The following CCDC136 variants were observed in gnomAD, a reference collection of about 807,000 sequenced individuals.
CCDC136 encodes the protein coiled-coil domain-containing protein 136.
A neutral mutation model predicts 141.2 loss-of-function variants in CCDC136; 100 were observed. The ratio of observed to expected loss-of-function variants is 0.71; its 90% CI spans 0.60 to 0.84. The LOEUF (loss-of-function observed/expected upper bound fraction) is 0.84. Among genes scored for constraint, CCDC136 ranks in the 40% least tolerant of loss-of-function variants. CCDC136 has a pLI of 0.00. For missense variants in CCDC136, 1,206 were observed against 1,379.4 expected, an observed-to-expected ratio of 0.87 and a Z score of 1.99; for synonymous variants, 474 against 531.9, an observed-to-expected ratio of 0.89 and a Z score of 1.50.
In CCDC136 at chr7:128,801,331, T is replaced by G. The variant is rs764374490; in HGVS notation, c.492T>G (p.His164Gln). The G allele has an allele frequency of 1.2e-6, 2 of 1,613,770 alleles. No homozygotes were observed. The highest frequency in any genetic ancestry group is 8.5e-7 in the Non-Finnish European group (1 of 1,179,842). Residue 164 changes from histidine (H) to glutamine (Q), a missense_variant, in exon 4 of 18, where the codon CAT becomes CAG. His to Gln is a conservative substitution (Grantham distance 24, BLOSUM62 0). Coordinates refer to ENST00000297788, the MANE Select transcript of CCDC136 (RefSeq NM_022742.5). ...CAGCAGAGGATTCCGCAACTGAACA[T>G]GAGAGTGACATAGCATCCCTGCAGG... is the stretch of plus-strand genomic sequence containing the variant. The part of the protein sequence containing the change: ...RQAAEDSATE[H>Q]ESDIASLQED...
intron 8 of CCDC136, 24 bp from the exon 9 acceptor site, chr7:128,806,651 AGCCCAAAGGCACT>A: frequency 1.9e-6 from 3 of 1,581,442 alleles, no homozygotes; most frequent in Non-Finnish European, 2.6e-6. Context: ...TGGGTTAAGG[AGCCCAAAGGCACT>A]GCCCAAAGCC....
rs187697169 is a variant in CCDC136 at position 128,821,665 on chromosome 7, C to T, written c.*6-134C>T. ...GGACTGAGAGATCACTTACCTCCAC[C>T]GGTTACCCAGGAGGTAACAGAGACT... On this transcript the variant is annotated intron_variant, in intron 17 of 17. Coordinates refer to ENST00000297788, the MANE Select transcript of CCDC136 (RefSeq NM_022742.5). This position sits in a 1 kb window ranked among gnomAD's most constrained non-coding sequence, Gnocchi z 5.1. The T allele has an allele frequency of 5.9e-5, 33 of 557,472 alleles. No homozygotes were observed. Among genetic ancestry groups the T allele is most frequent in the African/African-American group, 9.7e-5 (5 of 51,464 alleles). 34.5% of individuals were successfully genotyped at this position (557,472 alleles called of 1,614,324 possible).
Position 128,814,929 on chromosome 7 carries a change from A to C in CCDC136, c.3045+10A>C, listed in dbSNP as rs1479274742. 1 of 1,563,316 alleles carries C rather than the reference A, an allele frequency of 6.4e-7. No homozygotes were observed. Among genetic ancestry groups the C allele is most frequent in the Non-Finnish European group, 8.7e-7 (1 of 1,152,088 alleles). Reference sequence around the variant, plus strand: ...CCTTGAGACCAGAAAGGTGAGTAGTAACCTTGGTAGCCAGATAAGCAGAAA... The same window carrying C: ...CCTTGAGACCAGAAAGGTGAGTAGTCACCTTGGTAGCCAGATAAGCAGAAA... On this transcript the variant is annotated intron_variant, in intron 15 of 17. Transcript: ENST00000297788.
chr7:128,803,933 A>G (rs559983135), intron 4 of CCDC136, among the ~76,000 whole-genome samples: 11 of 151,356 alleles, frequency 7.3e-5, no homozygotes, highest in African/African-American at 2.2e-4. Context: ...TCCTACTTCA[A>G]CCTCCTGAGT....
Position 128,817,966 on chromosome 7 carries a change from G to A in CCDC136, c.*5+102G>A. The A allele has an allele frequency of 1.1e-6, 1 of 875,008 alleles. No individual in the cohort carries two copies. Among genetic ancestry groups the A allele is most frequent in the Non-Finnish European group, 1.9e-6 (1 of 540,262 alleles). The allele number at this position is 875,008 out of a possible 1,614,324, so 54.2% of individuals were successfully genotyped here. A position where few individuals can be genotyped will look rare whatever the true frequency, so the allele number is the denominator to read the frequency against. On this transcript the variant is annotated intron_variant, in intron 17 of 17. Transcript: ENST00000297788. This position sits in a 1 kb window ranked among gnomAD's most constrained non-coding sequence, Gnocchi z 4.6. Reference sequence around the variant, plus strand: ...TCTCCCAGCTGCTTGCTTCTTGCTTGTGCCATTTTATAATAGGTGATGCTC... The same window carrying A: ...TCTCCCAGCTGCTTGCTTCTTGCTTATGCCATTTTATAATAGGTGATGCTC...
intron 14 of CCDC136, among the ~76,000 whole-genome samples, chr7:128,813,738 T>C (rs1476798512): frequency 1.3e-5 from 2 of 152,154 alleles, no homozygotes; most frequent in Admixed American, 6.5e-5. Flanking sequence ...CTCAGCACTT[T>C]GGGAGGCCGA....
intron 15 of CCDC136, 73 bp from the exon 16 acceptor site, chr7:128,815,541 G>A: frequency 1.4e-6 from 2 of 1,450,594 alleles, no homozygotes; most frequent in South Asian, 1.4e-5. Flanking sequence ...CCTGGAGCTA[G>A]TACAGCATTG....
intron 16 of CCDC136, among the ~76,000 whole-genome samples, chr7:128,816,735 G>A (rs1030237261): frequency 5.9e-5 from 9 of 152,334 alleles, no homozygotes; most frequent in South Asian, 2.1e-4. Context: ...TCAGGGCTCA[G>A]AGTCCCTACA....
At position 128,807,501 on chromosome 7, in the gene CCDC136, G is replaced by A; in HGVS notation, c.1561G>A (p.Ala521Thr). The part of the protein sequence containing the change: ...LCQLELKELK[A>T]SHPIPEDKGK... The stretch of plus-strand genomic sequence containing the variant: ...CCAGCTGGAGCTGAAAGAGCTCAAG[G>A]CCTCCCACCCCATTCCGGAGGACAA... The change falls in exon 10 of 18, where the codon GCC becomes ACC. Residue 521 changes from alanine (A) to threonine (T), a missense_variant. Transcript: ENST00000297788. 1.3e-6 allele frequency: 2 copies of A among 1,525,580 alleles called. No homozygotes were observed. The highest frequency in any genetic ancestry group is 1.8e-6 in the Non-Finnish European group (2 of 1,133,888). 94.5% of individuals were successfully genotyped at this position (1,525,580 alleles called of 1,614,324 possible). A position where few individuals can be genotyped will look rare whatever the true frequency, so the allele number is the denominator to read the frequency against.
At position 128,817,756 on chromosome 7, in the gene CCDC136, A is replaced by G; in HGVS notation, c.3364-2A>G. 6.2e-7 allele frequency: 1 copy of G among 1,607,806 alleles called. No individual in the cohort carries two copies. The highest frequency in any genetic ancestry group is 8.5e-7 in the Non-Finnish European group (1 of 1,174,632). Reference sequence around the variant, plus strand: ...CTTCTTTCTCATTTTGGTGTGTTGCAGTCATCCCCTACCCCCAATCCCCCC... The same window carrying G: ...CTTCTTTCTCATTTTGGTGTGTTGCGGTCATCCCCTACCCCCAATCCCCCC... On this transcript the variant is annotated splice_acceptor_variant, in intron 16 of 17. Transcript: ENST00000297788. LOFTEE classifies it high-confidence loss of function. This position sits in a 1 kb window ranked among gnomAD's most constrained non-coding sequence, Gnocchi z 4.6.
At chr7:128,807,623 C>T in intron 10 of CCDC136, 78 bp downstream of exon 10, 2 of 1,024,266 alleles carry the variant, frequency 2.0e-6, no homozygotes, top group East Asian at 3.2e-5. Flanking sequence ...AAAGTGAAGG[C>T]ACCCAACCCA....
intron 1 of CCDC136, among the ~76,000 whole-genome samples, chr7:128,793,721 T>G (rs1028009144): frequency 6.6e-6 from 1 of 152,238 alleles, no homozygotes; most frequent in African/African-American, 2.4e-5. Flanking sequence ...GCGATTCTCC[T>G]GCCTTAGCCT....
intron 4 of CCDC136, among the ~76,000 whole-genome samples, chr7:128,802,753 G>C (rs1300244644): frequency 2.0e-5 from 3 of 152,062 alleles, no homozygotes; most frequent in Non-Finnish European, 4.4e-5. Flanking sequence ...AGGGAAATTG[G>C]GTGAGAACCC....
At chr7:128,811,665 A>G in intron 12 of CCDC136, 135 bp from the exon 13 acceptor site, 3 of 775,922 alleles carry the variant, frequency 3.9e-6, no homozygotes, top group Admixed American at 5.9e-5. Context: ...AGTCAGAGAC[A>G]TAGGCCGGGG....
At chr7:128,818,845 C>T (rs2128927026) in intron 17 of CCDC136, among the ~76,000 whole-genome samples, 2 of 152,274 alleles carry the variant, frequency 1.3e-5, no homozygotes, top group Middle Eastern at 3.4e-3. Flanking sequence ...GCATTGGCTC[C>T]TCTCTCATGC....
At chr7:128,807,721 G>A in intron 10 of CCDC136, 176 bp downstream of exon 10, 2 of 429,518 alleles carry the variant, frequency 4.7e-6, no homozygotes, top group East Asian at 3.7e-5. Context: ...TTGACTTTGA[G>A]CCAGAGCCAC....
In CCDC136 at chr7:128,807,451, A is replaced by C; in HGVS notation, c.1511A>C (p.Gln504Pro). The stretch of plus-strand genomic sequence containing the variant: ...GAGCGGCAGAAGCACATGTATGACC[A>C]GCTGGAGCAGGACCTCCTGCTCTGC... The part of the protein sequence containing the change: ...ELERQKHMYD[Q>P]LEQDLLLCQL... The change falls in exon 10 of 18, where the codon CAG (glutamine) becomes CCG (proline). Residue 504 changes from glutamine to proline, a missense_variant. Gln to Pro is a moderately conservative substitution (Grantham distance 76, BLOSUM62 -1). Coordinates refer to ENST00000297788, the MANE Select transcript of CCDC136 (RefSeq NM_022742.5). 2 of 1,566,916 alleles carry C rather than the reference A, an allele frequency of 1.3e-6. No homozygotes were observed. Among genetic ancestry groups the C allele is most frequent in the East Asian group, 2.4e-5 (1 of 41,342 alleles).
At position 128,792,392 on chromosome 7, in the gene CCDC136, G is replaced by A. The variant is rs201807209; in HGVS notation, c.-20G>A. 1.2e-6 allele frequency: 2 copies of A among 1,611,236 alleles called. No individual in the cohort carries two copies. The highest frequency in any genetic ancestry group is 1.7e-5 in the Admixed American group (1 of 59,882). ...GAGAGGAAGAAGGGCCAACGCTGGGGGTCCCTGGAACGACGGGGGATGCAA... is the reference window on the plus strand; with the variant it reads ...GAGAGGAAGAAGGGCCAACGCTGGGAGTCCCTGGAACGACGGGGGATGCAA... On this transcript the variant is annotated 5_prime_UTR_variant, in exon 1 of 18. Coordinates refer to ENST00000297788, the MANE Select transcript of CCDC136 (RefSeq NM_022742.5).
At chr7:128,801,555 GAGATAATATATAGGAAAATGGT>G in intron 4 of CCDC136, 46 bp downstream of exon 4, 2 of 1,315,182 alleles carry the variant, frequency 1.5e-6, no homozygotes, top group East Asian at 4.8e-5. Flanking sequence ...CAGAGGAAAG[GAGATAATATATAGGAAAATGGT>G]AGAAGGTGGT....
Sources: gnomAD v4.1 joint callset for allele counts (sites outside exome capture counted in the v4.1 genomes callset) on GRCh38, gnomAD v4.1.1 for gene constraint, Gnocchi (gnomAD v3.1) non-coding constraint, MANE v1.5 for transcripts, NCBI Gene and HGNC (gene_info 2026-07-23, HGNC 2026-07-21) for gene names.